The following IL1RAPL2 variants were observed in gnomAD, a reference collection of about 807,000 sequenced individuals.
IL1RAPL2 encodes the protein X-linked interleukin-1 receptor accessory protein-like 2.
IL1RAPL2 carries 3 observed loss-of-function variants against 44.1 expected under a neutral mutation model. The observed-to-expected ratio is 0.07, with a 90% CI of 0.03 to 0.18. IL1RAPL2 has a LOEUF of 0.18. Among genes scored for constraint, IL1RAPL2 ranks in the 10% least tolerant of loss-of-function variants. The pLI is 1.00. For missense variants in IL1RAPL2, 391 were observed against 496.4 expected (o/e 0.79, Z 2.02); for synonymous variants, 181 against 178.8 (o/e 1.01, Z -0.10).
At chrX:105,749,207 G>T in intron 9 of IL1RAPL2, 104 bp downstream of exon 9, 1 of 792,485 alleles carries the variant, frequency 1.3e-6, no homozygotes, top group Non-Finnish European at 1.8e-6. Flanking sequence ...ATATTTAGGG[G>T]TAAAGGGCTA....
chrX:105,716,994 T>C (rs773677591), intron 6 of IL1RAPL2, among the ~76,000 whole-genome samples: 1 of 111,707 alleles, frequency 9.0e-6, no homozygotes, highest in Non-Finnish European at 1.9e-5. Context: ...AGGGAGACCC[T>C]GTGTGGTCCC....
chrX:105,592,656 T>C (rs1047908141), intron 6 of IL1RAPL2, among the ~76,000 whole-genome samples: 2 of 112,040 alleles, frequency 1.8e-5, no homozygotes, highest in African/African-American at 6.5e-5. Flanking sequence ...TTTGCTTGCC[T>C]GAAAAGGATC....
At chrX:105,158,782 T>C (rs966094496) in intron 2 of IL1RAPL2, among the ~76,000 whole-genome samples, 6 of 111,856 alleles carry the variant, frequency 5.4e-5, no homozygotes, top group African/African-American at 1.6e-4. Context: ...ACATAACATA[T>C]GGGTTCTGGT....
chrX:105,254,150 C>G (rs190105933), intron 4 of IL1RAPL2, among the ~76,000 whole-genome samples: 1 of 112,003 alleles, frequency 8.9e-6, no homozygotes, highest in Admixed American at 9.5e-5. Flanking sequence ...AATGGTTGAA[C>G]TAATTTACAT....
At chrX:105,467,687 G>C (rs1268218553) in intron 5 of IL1RAPL2, among the ~76,000 whole-genome samples, 1 of 111,504 alleles carries the variant, frequency 9.0e-6, no homozygotes, top group Non-Finnish European at 1.9e-5. Flanking sequence ...AAATTTACGA[G>C]ATGGCCTATG....
intron 2 of IL1RAPL2, among the ~76,000 whole-genome samples, chrX:104,743,217 A>G (rs1932123022): frequency 9.0e-6 from 1 of 110,879 alleles, no homozygotes; most frequent in African/African-American, 3.3e-5. Flanking sequence ...TTAAATATAC[A>G]GTAATATATA....
chrX:105,487,700 A>T (rs183222846), intron 6 of IL1RAPL2, among the ~76,000 whole-genome samples: 23 of 112,301 alleles, frequency 2.0e-4, no homozygotes, highest in African/African-American at 7.4e-4. Context: ...CACAATTGGA[A>T]ATCCTTTTGT....
chrX:104,948,458 A>G (rs1925459802), intron 2 of IL1RAPL2, among the ~76,000 whole-genome samples: 1 of 95,748 alleles, frequency 1.0e-5, no homozygotes, highest in Non-Finnish European at 2.1e-5. Flanking sequence ...CACTATGTTG[A>G]ATAGGAGTGG....
At chrX:104,845,117 A>G (rs1469948394) in intron 2 of IL1RAPL2, among the ~76,000 whole-genome samples, 2 of 111,851 alleles carry the variant, frequency 1.8e-5, no homozygotes, top group Non-Finnish European at 3.8e-5. Context: ...GTTGAGATGG[A>G]GAGTAGAAGT....
chrX:104,684,984 C>A (rs1930958600), intron 2 of IL1RAPL2, among the ~76,000 whole-genome samples: 1 of 111,760 alleles, frequency 8.9e-6, no homozygotes, highest in Admixed American at 9.5e-5. Context: ...ATATTTAAAT[C>A]CATTTTAAAG....
chrX:105,287,349 G>T (rs1390179398), intron 5 of IL1RAPL2, among the ~76,000 whole-genome samples: 1 of 111,484 alleles, frequency 9.0e-6, no homozygotes, highest in Non-Finnish European at 1.9e-5. Flanking sequence ...GCTAAAATAA[G>T]GCCAACTACA....
chrX:104,973,658 A>G (rs2030278382), intron 2 of IL1RAPL2, among the ~76,000 whole-genome samples: 1 of 112,193 alleles, frequency 8.9e-6, no homozygotes, highest in African/African-American at 3.2e-5. Flanking sequence ...TAAAGAGTCA[A>G]TTATAAACAA....
At chrX:105,013,724 C>T (rs149799007) in intron 2 of IL1RAPL2, among the ~76,000 whole-genome samples, 1,605 of 111,187 alleles carry the variant, frequency 0.014, 34 homozygotes, top group African/African-American at 0.05. Flanking sequence ...CTTCTGCCTA[C>T]TGAAAATCCT....
chrX:104,649,039 A>T (rs1466786637), intron 1 of IL1RAPL2, among the ~76,000 whole-genome samples: 1 of 110,487 alleles, frequency 9.1e-6, no homozygotes, highest in Non-Finnish European at 1.9e-5. Flanking sequence ...CAACTTTTTG[A>T]GTCTCCACTT....
chrX:104,930,420 C>G (rs1053446208), intron 2 of IL1RAPL2, among the ~76,000 whole-genome samples: 1 of 111,713 alleles, frequency 9.0e-6, no homozygotes, highest in African/African-American at 3.3e-5. Flanking sequence ...ATAGTTGTCA[C>G]CATTATTGCA....
At chrX:105,132,169 A>AG (rs1032003411) in intron 2 of IL1RAPL2, among the ~76,000 whole-genome samples, 5 of 110,636 alleles carry the variant, frequency 4.5e-5, no homozygotes, top group African/African-American at 1.6e-4. Flanking sequence ...CAAGAAAAAA[A>AG]AAAAAGAAAA....
rs1184866776 is a variant in IL1RAPL2 at position 105,086,278 on chromosome X, C to T, written c.83-109197C>T. Among the ~76,000 whole-genome samples the T allele has an allele frequency of 1.3e-4, 13 of 97,426 alleles. No individual in the cohort carries two copies. The East Asian group carries it at 4.2e-3, about 31-fold the overall frequency. The allele number at this position is 97,426 out of a possible 115,157, so 84.6% of individuals were successfully genotyped here. The stretch of plus-strand genomic sequence containing the variant: ...AATGTGATACACACACACACACACA[C>T]ACACAGTGGAATATTATTCAGCCTT... On this transcript the variant is annotated intron_variant, in intron 2 of 10. Transcript: ENST00000372582.
At chrX:105,431,941 G>A (rs1372830594) in intron 5 of IL1RAPL2, among the ~76,000 whole-genome samples, 1 of 109,991 alleles carries the variant, frequency 9.1e-6, no homozygotes, top group African/African-American at 3.3e-5. Context: ...TGTAATGGAC[G>A]CTTTGAATAC....
intron 1 of IL1RAPL2, among the ~76,000 whole-genome samples, chrX:104,630,639 C>T (rs1929622473): frequency 9.0e-6 from 1 of 110,629 alleles, no homozygotes; most frequent in Admixed American, 9.6e-5. Flanking sequence ...CTATTCAGGC[C>T]ATTTTTTGGT....
Sources: allele counts gnomAD v4.1 joint callset (sites outside exome capture counted in the v4.1 genomes callset), GRCh38; gene constraint gnomAD v4.1.1; transcripts MANE v1.5; gene names NCBI Gene and HGNC (gene_info 2026-07-23, HGNC 2026-07-21).